The following PTPRD variants were observed in gnomAD, a reference collection of about 807,000 sequenced individuals.
The protein encoded by PTPRD is receptor-type tyrosine-protein phosphatase delta.
PTPRD carries 34 observed loss-of-function variants against 214.5 expected under a neutral mutation model. The observed-to-expected ratio is 0.16, with a 90% CI of 0.12 to 0.21. The LOEUF (loss-of-function observed/expected upper bound fraction) is 0.21, where lower values mean the gene tolerates loss of function less well. Ranked by LOEUF, PTPRD falls within the 10% of genes least tolerant of loss-of-function variation. The probability of loss-of-function intolerance (pLI) is 1.00; values close to 1 mark genes in which losing one functional copy is unlikely to be tolerated. For synonymous variants in PTPRD, 1,128 were observed against 845.7 expected (o/e 1.33, Z -5.79); for missense variants, 2,545 against 2,398.7 (o/e 1.06, Z -1.27).
chr9:8,360,014 T>A (rs1207726078), intron 39 of PTPRD, among the ~76,000 whole-genome samples: 1 of 152,234 alleles, frequency 6.6e-6, no homozygotes, highest in Non-Finnish European at 1.5e-5. Flanking sequence ...AGGTTGTCTG[T>A]GGCTCTAGAA....
At chr9:8,531,854 C>T (rs1012451780) in intron 14 of PTPRD, among the ~76,000 whole-genome samples, 4 of 151,936 alleles carry the variant, frequency 2.6e-5, no homozygotes, top group African/African-American at 9.7e-5. Context: ...ATTTAATAAC[C>T]GTTTATAAGA....
chr9:9,126,144 G>A (rs920578995), intron 10 of PTPRD, among the ~76,000 whole-genome samples: 3 of 152,132 alleles, frequency 2.0e-5, no homozygotes, highest in African/African-American at 7.2e-5. Flanking sequence ...TAGGAGCAAT[G>A]GAAACTCTTT....
chr9:8,831,079 A>T (rs767225929), intron 11 of PTPRD, among the ~76,000 whole-genome samples: 1 of 152,174 alleles, frequency 6.6e-6, no homozygotes, highest in African/African-American at 2.4e-5. Flanking sequence ...GACATTTGGC[A>T]TCACTGAATC....
intron 10 of PTPRD, among the ~76,000 whole-genome samples, chr9:9,118,689 T>C (rs1357974332): frequency 6.6e-6 from 1 of 152,168 alleles, no homozygotes. Context: ...TGAAAGTTAC[T>C]TGCAAGCATA....
At position 9,096,274 on chromosome 9, in the gene PTPRD, G is replaced by T. The variant is rs368026738; in HGVS notation, c.-142-77539C>A. Among the ~76,000 whole-genome samples the T allele has an allele frequency of 9.9e-5, 15 of 152,254 alleles. No homozygotes were observed. In the East Asian group the frequency reaches 2.5e-3, roughly 25 times the overall value. ...TGTGAGTTGCTGGATATGTTAATTTGCTTCAATATAGTAATCTTTTTACTA... is the reference window on the plus strand; with the variant it reads ...TGTGAGTTGCTGGATATGTTAATTTTCTTCAATATAGTAATCTTTTTACTA... On this transcript the variant is annotated intron_variant, in intron 10 of 45. Coordinates refer to ENST00000381196, the MANE Select transcript of PTPRD (RefSeq NM_002839.4).
chr9:8,537,583 G>A (rs926622923), intron 14 of PTPRD, among the ~76,000 whole-genome samples: 11 of 151,924 alleles, frequency 7.2e-5, no homozygotes, highest in African/African-American at 2.7e-4. Context: ...CAAGAGTCTC[G>A]AAAGATTTCT....
chr9:8,978,665 G>A (rs930813243), intron 11 of PTPRD, among the ~76,000 whole-genome samples: 4 of 152,082 alleles, frequency 2.6e-5, no homozygotes, highest in Non-Finnish European at 5.9e-5. Flanking sequence ...TCTCCACCTT[G>A]GCTTGTGCCA....
intron 2 of PTPRD, among the ~76,000 whole-genome samples, chr9:10,465,394 T>C: frequency 6.6e-6 from 1 of 152,116 alleles, no homozygotes; most frequent in East Asian, 1.9e-4. Context: ...GAAATACATA[T>C]AATGAACTGG....
At chr9:9,235,464 A>G (rs1399955414) in intron 9 of PTPRD, among the ~76,000 whole-genome samples, 3 of 152,162 alleles carry the variant, frequency 2.0e-5, no homozygotes. Flanking sequence ...TAAAGTGGAC[A>G]GTTTTTCTTT....
intron 12 of PTPRD, among the ~76,000 whole-genome samples, chr9:8,709,375 C>T (rs1412883011): frequency 1.3e-5 from 2 of 151,582 alleles, no homozygotes; most frequent in Admixed American, 6.6e-5. Context: ...ATTAGCTGTG[C>T]CTGGTGGCAG....
At chr9:8,896,207 G>A (rs957203512) in intron 11 of PTPRD, among the ~76,000 whole-genome samples, 39 of 152,268 alleles carry the variant, frequency 2.6e-4, no homozygotes, top group African/African-American at 9.1e-4. Flanking sequence ...GAGAAAGCCT[G>A]CTCACATAAA....
chr9:10,006,280 G>C (rs1160202221), intron 4 of PTPRD, among the ~76,000 whole-genome samples: 1 of 151,968 alleles, frequency 6.6e-6, no homozygotes, highest in Non-Finnish European at 1.5e-5. Context: ...TTTGATACAA[G>C]CCTTTGACAA....
At chr9:9,958,704 G>A (rs1454603183) in intron 4 of PTPRD, among the ~76,000 whole-genome samples, 1 of 152,066 alleles carries the variant, frequency 6.6e-6, no homozygotes, top group Non-Finnish European at 1.5e-5. Flanking sequence ...TCAGCAATAA[G>A]GAAACAAGTG....
chr9:10,049,198 T>A (rs558690747), intron 3 of PTPRD, among the ~76,000 whole-genome samples: 55 of 152,150 alleles, frequency 3.6e-4, no homozygotes, highest in African/African-American at 1.2e-3. Flanking sequence ...GCATGGAGTG[T>A]TCAGGCTGGA....
chr9:9,888,942 T>C (rs941814475), intron 5 of PTPRD, among the ~76,000 whole-genome samples: 1 of 152,192 alleles, frequency 6.6e-6, no homozygotes, highest in African/African-American at 2.4e-5. Context: ...GAAAAATTTA[T>C]GGTATTAGCA....
At chr9:9,633,516 A>G (rs1171180317) in intron 7 of PTPRD, among the ~76,000 whole-genome samples, 4 of 121,108 alleles carry the variant, frequency 3.3e-5, no homozygotes. Flanking sequence ...TGTAAGGTTA[A>G]AAGTGATTAT....
At chr9:9,959,593 G>A (rs1045439903) in intron 4 of PTPRD, among the ~76,000 whole-genome samples, 2 of 152,162 alleles carry the variant, frequency 1.3e-5, no homozygotes, top group East Asian at 3.9e-4. Flanking sequence ...TCACTGAAGA[G>A]AATGAGGTAG....
At chr9:9,079,333 C>G (rs930609020) in intron 10 of PTPRD, among the ~76,000 whole-genome samples, 1 of 152,032 alleles carries the variant, frequency 6.6e-6, no homozygotes, top group Non-Finnish European at 1.5e-5. Flanking sequence ...TGGCTTATTT[C>G]ACTTAATATC....
intron 5 of PTPRD, among the ~76,000 whole-genome samples, chr9:9,937,244 A>C (rs2089851846): frequency 6.6e-6 from 1 of 151,454 alleles, no homozygotes; most frequent in South Asian, 2.1e-4. Context: ...AAAATAAAAA[A>C]TAAAAAATAA....
Sources: gnomAD v4.1 joint callset for allele counts (sites outside exome capture counted in the v4.1 genomes callset) on GRCh38, gnomAD v4.1.1 for gene constraint, MANE v1.5 for transcripts, NCBI Gene and HGNC (gene_info 2026-07-23, HGNC 2026-07-21) for gene names.